NDUFAF1: variants seen among roughly 807,000 people sequenced by gnomAD.
NDUFAF1 encodes the protein complex I intermediate-associated protein 30, mitochondrial.
NDUFAF1 carries 18 observed loss-of-function variants against 28.7 expected under a neutral mutation model. The ratio of observed to expected loss-of-function variants is 0.63; its 90% CI spans 0.43 to 0.93. NDUFAF1 has a LOEUF of 0.93. NDUFAF1 is among the 40% of genes least tolerant of loss of function. The probability of loss-of-function intolerance (pLI) is 0.00; values close to 1 mark genes in which losing one functional copy is unlikely to be tolerated. For missense variants in NDUFAF1, 404 were observed against 398.3 expected (o/e 1.01, Z -0.12); for synonymous variants, 113 against 139.7 (o/e 0.81, Z 1.35).
intron 1 of NDUFAF1, among the ~76,000 whole-genome samples, chr15:41,400,208 C>T (rs1595411679): frequency 6.6e-6 from 1 of 151,594 alleles, no homozygotes; most frequent in East Asian, 2.0e-4. Flanking sequence ...CCCATCTCTA[C>T]TAAAAATACA....
At chr15:41,398,023 C>CAAAAA (rs1217218175) in intron 1 of NDUFAF1, among the ~76,000 whole-genome samples, 2 of 56,964 alleles carry the variant, frequency 3.5e-5, no homozygotes, top group African/African-American at 6.9e-5. Context: ...GACTCTGTCT[C>CAAAAA]AAAAAAAAAA....
At position 41,395,061 on chromosome 15, in the gene NDUFAF1, A is replaced by G. The variant is rs1595406295; in HGVS notation, c.574-17T>C. The G allele has an allele frequency of 6.2e-7, 1 of 1,611,642 alleles. No individual in the cohort carries two copies. The highest frequency in any genetic ancestry group is 1.1e-5 in the South Asian group (1 of 90,808). On this transcript the variant is annotated splice_polypyrimidine_tract_variant and intron_variant, in intron 2 of 4. Coordinates refer to ENST00000260361, the MANE Select transcript of NDUFAF1 (RefSeq NM_016013.4). Reference sequence around the variant, plus strand: ...AAAAGCACCCTAAGATATTGAAAGTAAAGTTCATTGTACCTCATTCTCCAT... The same window carrying G: ...AAAAGCACCCTAAGATATTGAAAGTGAAGTTCATTGTACCTCATTCTCCAT...
intron 3 of NDUFAF1, among the ~76,000 whole-genome samples, chr15:41,391,326 T>G (rs1382791243): frequency 6.6e-6 from 1 of 151,944 alleles, no homozygotes; most frequent in Non-Finnish European, 1.5e-5. Context: ...TCACAGAATT[T>G]ACAGAATTTA....
chr15:41,387,661 T>TA, intron 4 of NDUFAF1, 68 bp from the exon 5 acceptor site: 1 of 1,347,572 alleles, frequency 7.4e-7, no homozygotes, highest in Non-Finnish European at 1.1e-6. Context: ...TCCAGGAGTT[T>TA]AAAATCCCAT....
intron 3 of NDUFAF1, among the ~76,000 whole-genome samples, chr15:41,391,814 T>G (rs2050320263): frequency 6.6e-6 from 1 of 152,064 alleles, no homozygotes. Flanking sequence ...AGGCAACTTT[T>G]GAGCCGAGAG....
At chr15:41,390,188 C>T (rs1005551863) in intron 3 of NDUFAF1, among the ~76,000 whole-genome samples, 1 of 151,982 alleles carries the variant, frequency 6.6e-6, no homozygotes, top group Non-Finnish European at 1.5e-5. Context: ...GTCTTAGACT[C>T]CTAGCTTCAA....
intron 3 of NDUFAF1, among the ~76,000 whole-genome samples, chr15:41,392,063 ATTCT>A (rs2050323076): frequency 7.4e-6 from 1 of 135,836 alleles, no homozygotes; most frequent in South Asian, 2.4e-4. Context: ...TTTGGACTTT[ATTCT>A]TTTTTTTTTT....
chr15:41,395,571 C>T (rs56121811), intron 2 of NDUFAF1, among the ~76,000 whole-genome samples: 61,863 of 150,022 alleles, frequency 0.41, 12,985 homozygotes, highest in South Asian at 0.48. Flanking sequence ...GGGGTTTCAC[C>T]GTGTTAGCCA....
rs769078444 is a variant in NDUFAF1 at position 41,387,512 on chromosome 15, C to T, written c.916G>A (p.Asp306Asn). Residue 306 changes from aspartate (D) to asparagine (N), a missense_variant, in exon 5 of 5, where the codon GAT (aspartate) becomes AAT (asparagine). By Grantham distance (23) the Asp-to-Asn change is conservative (BLOSUM62 1). Transcript: ENST00000260361. ...LEIDFIGVFT[D>N]PAHTEEFAYE... ...GCAAATTCTTCTGTATGAGCTGGAT[C>T]AGTAAACACGCCAATAAAATCTATC... is the stretch of plus-strand genomic sequence containing the variant. 6.2e-7 allele frequency: 1 copy of T among 1,613,372 alleles called. No homozygotes were observed. The highest frequency in any genetic ancestry group is 8.5e-7 in the Non-Finnish European group (1 of 1,179,364).
chr15:41,397,491 G>A (rs754626918), intron 1 of NDUFAF1, among the ~76,000 whole-genome samples: 6 of 152,076 alleles, frequency 3.9e-5, no homozygotes, highest in Non-Finnish European at 8.8e-5. Context: ...GAGGTGGGTG[G>A]ATCACGAGGT....
chr15:41,398,772 T>C (rs1042588128), intron 1 of NDUFAF1, among the ~76,000 whole-genome samples: 1 of 151,734 alleles, frequency 6.6e-6, no homozygotes, highest in Non-Finnish European at 1.5e-5. Flanking sequence ...CTGGCCAAAA[T>C]GGTAAAACCC....
In NDUFAF1 at chr15:41,387,583, A is replaced by G. The variant is rs1218987576; in HGVS notation, c.845T>C (p.Ile282Thr). ...HELPLDKISS[I>T]GFTLADKVDG... ...CACTTTATCAGCCAAGGTGAATCCT[A>G]TAGAAGAGATCTAAATTTAAAATAC... Residue 282 changes from isoleucine (I) to threonine (T), a missense_variant, in exon 5 of 5, where the codon ATA (isoleucine) becomes ACA (threonine). Coordinates refer to ENST00000260361, the MANE Select transcript of NDUFAF1 (RefSeq NM_016013.4). 3 of 1,607,490 alleles carry G rather than the reference A, an allele frequency of 1.9e-6. No individual in the cohort carries two copies. In the Admixed American group the frequency reaches 5.0e-5, roughly 27 times the overall value.
intron 2 of NDUFAF1, 57 bp from the exon 3 acceptor site, chr15:41,395,101 G>GAGTCATCA (rs1358586191): frequency 2.6e-6 from 4 of 1,523,062 alleles, no homozygotes; most frequent in Non-Finnish European, 3.6e-6. Context: ...AGCAAAATGT[G>GAGTCATCA]AGTCATCACC....
intron 1 of NDUFAF1, among the ~76,000 whole-genome samples, chr15:41,398,557 T>A (rs543196697): frequency 6.6e-6 from 1 of 151,750 alleles, no homozygotes; most frequent in African/African-American, 2.4e-5. Context: ...CGATAACTCA[T>A]TGTAGCCTTG....
At chr15:41,401,267 C>CTTTTTT (rs755063294) in intron 1 of NDUFAF1, among the ~76,000 whole-genome samples, 3 of 111,222 alleles carry the variant, frequency 2.7e-5, no homozygotes, top group Non-Finnish European at 5.7e-5. Context: ...GGCGCCCAAC[C>CTTTTTT]TTTTTTTTTT....
rs1566825675 is a variant in NDUFAF1, at chr15:41,397,010, A to C, written c.50T>G (p.Phe17Cys). 6.2e-7 allele frequency: 1 copy of C among 1,612,736 alleles called. No homozygotes were observed. Among genetic ancestry groups the C allele is most frequent in the Non-Finnish European group, 8.5e-7 (1 of 1,179,602 alleles). ...ATACAAGGCAGAAGTTGGCTTAGAG[A>C]ATTTTCTGAGAAAATAAGTACCACG... ...LLRGTYFLRK[F>C]SKPTSALYPF... Residue 17 changes from phenylalanine (F) to cysteine (C), a missense_variant, in exon 2 of 5, where the codon TTC becomes TGC. Phe to Cys is a radical substitution (Grantham distance 205). Transcript: ENST00000260361.
rs1452326061 is a variant in NDUFAF1 at position 41,396,682 on chromosome 15, T to C, written c.378A>G (p.Gln126=). Residue 126 remains glutamine, a synonymous_variant, in exon 2 of 5, where the codon CAA becomes CAG. Coordinates refer to ENST00000260361, the MANE Select transcript of NDUFAF1 (RefSeq NM_016013.4). Reference sequence around the variant, plus strand: ...TATCCAAATCTTCTTTCCCCCGGAATTGCCAGACAACCTTGGCTTGTTCCA... The same window carrying C: ...TATCCAAATCTTCTTTCCCCCGGAACTGCCAGACAACCTTGGCTTGTTCCA... The part of the protein sequence containing the change: ...VLLEQAKVVW[Q]FRGKEDLDKW... 19 of 1,614,146 alleles carry C rather than the reference T, an allele frequency of 1.2e-5. No individual in the cohort carries two copies. Among genetic ancestry groups the C allele is most frequent in the Middle Eastern group, 1.6e-4 (1 of 6,062 alleles).
intron 3 of NDUFAF1, among the ~76,000 whole-genome samples, chr15:41,392,440 C>T (rs924251472): frequency 1.3e-5 from 2 of 152,034 alleles, no homozygotes; most frequent in African/African-American, 2.4e-5. Flanking sequence ...TGTCTCCCCA[C>T]CCAAAATCTC....
chr15:41,388,449 T>C lies in NDUFAF1; in HGVS notation c.833A>G (p.Lys278Arg), dbSNP rs138973347. The change falls in exon 4 of 5, where the codon AAG becomes AGG. Residue 278 changes from lysine to arginine, a missense_variant and splice_region_variant. By Grantham distance (26) the Lys-to-Arg change is conservative. Transcript: ENST00000260361. ...GTGAAAAATACAGGAATATGTTACC[T>C]TATCAAGCGGAAGCTCATGCTGAAC... ...RDVQHELPLD[K>R]ISSIGFTLAD... is the part of the protein sequence containing the mutation. 3.4e-5 allele frequency: 54 copies of C among 1,607,160 alleles called. No individual in the cohort carries two copies. The African/African-American group carries it at 6.7e-4, about 20-fold the overall frequency.
Sources: allele counts gnomAD v4.1 joint callset (sites outside exome capture counted in the v4.1 genomes callset), GRCh38; gene constraint gnomAD v4.1.1; transcripts MANE v1.5; gene names NCBI Gene and HGNC (gene_info 2026-07-23, HGNC 2026-07-21).